The following SMARCB1 variants were observed in gnomAD, a reference collection of about 807,000 sequenced individuals.
SMARCB1 encodes SWI/SNF related BAF chromatin remodeling complex subunit B1.
A neutral mutation model predicts 49.0 loss-of-function variants in SMARCB1; 5 were observed. The observed-to-expected ratio is 0.10, with a 90% confidence interval of 0.05 to 0.21. SMARCB1 has a LOEUF of 0.21. SMARCB1 is among the 10% of genes least tolerant of loss of function. The probability of loss-of-function intolerance (pLI) is 1.00; values close to 1 mark genes in which losing one functional copy is unlikely to be tolerated. For missense variants in SMARCB1, 226 were observed against 509.2 expected (o/e 0.44, Z 5.35); for synonymous variants, 201 against 200.1 (o/e 1.00, Z -0.04).
chr22:23,795,161 G>A (rs531225258), intron 3 of SMARCB1, among the ~76,000 whole-genome samples: 19 of 152,118 alleles, frequency 1.2e-4, no homozygotes, highest in Admixed American at 1.2e-3. Flanking sequence ...GGTAGCTTAT[G>A]CCTGTAATCT....
In SMARCB1 at chr22:23,787,306, G is replaced by C. The variant is rs35243495; in HGVS notation, c.93+44G>C. The C allele has an allele frequency of 5.9e-3, 7,445 of 1,256,854 alleles. 519 individuals carry two copies. In the Admixed American group the frequency reaches 0.12, roughly 21 times the overall value. The allele number at this position is 1,256,854 out of a possible 1,614,324, so 77.9% of individuals were successfully genotyped here. ...TCGCCCTCCCCGGGCTCGGCCCCGCGGGAGCCCCGGGGCGGGCCCATGCGC... is the reference window on the plus strand; with the variant it reads ...TCGCCCTCCCCGGGCTCGGCCCCGCCGGAGCCCCGGGGCGGGCCCATGCGC... On this transcript the variant is annotated intron_variant, in intron 1 of 8. Transcript: ENST00000644036.
In SMARCB1 at chr22:23,837,005, C is replaced by G. The variant is rs1419353170; in HGVS notation, c.*2825C>G. On this transcript the variant is annotated 3_prime_UTR_variant, in exon 9 of 9. Coordinates refer to ENST00000644036, the MANE Select transcript of SMARCB1 (RefSeq NM_003073.5). ...TGTTGAGCACAGGCCAGCACAGGTC[C>G]CCATCGGTGGGGATCCTTCTGAGGG... 6.2e-7 allele frequency: 1 copy of G among 1,611,838 alleles called. No homozygotes were observed. The highest frequency in any genetic ancestry group is 8.5e-7 in the Non-Finnish European group (1 of 1,178,902).
At chr22:23,811,726 G>A (rs757256447) in intron 5 of SMARCB1, among the ~76,000 whole-genome samples, 9 of 152,190 alleles carry the variant, frequency 5.9e-5, no homozygotes, top group African/African-American at 2.2e-4. Context: ...GCACCAGTGC[G>A]TACATTGGAA....
intron 2 of SMARCB1, 76 bp downstream of exon 2, chr22:23,791,970 C>T (rs1225068619): frequency 6.6e-7 from 1 of 1,505,550 alleles, no homozygotes; most frequent in East Asian, 2.3e-5. Context: ...GTTTTCACTC[C>T]AGAGTGTCTT....
chr22:23,804,733 A>T (rs1601406706), intron 5 of SMARCB1, among the ~76,000 whole-genome samples: 2 of 152,216 alleles, frequency 1.3e-5, no homozygotes, highest in South Asian at 2.1e-4. Flanking sequence ...TAGTAGAGAT[A>T]GGGTTTCACC....
At chr22:23,807,188 G>C (rs2057189251) in intron 5 of SMARCB1, among the ~76,000 whole-genome samples, 1 of 152,198 alleles carries the variant, frequency 6.6e-6, no homozygotes, top group Admixed American at 6.5e-5. Context: ...CTCAGGAAGA[G>C]TTTTGGAATC....
chr22:23,807,907 G>A (rs1012207186), intron 5 of SMARCB1, among the ~76,000 whole-genome samples: 29 of 146,596 alleles, frequency 2.0e-4, no homozygotes, highest in African/African-American at 7.3e-4. Flanking sequence ...CCATTCTCCT[G>A]CCTCAGTCTC....
chr22:23,808,356 C>T (rs1929646610), intron 5 of SMARCB1, among the ~76,000 whole-genome samples: 2 of 152,180 alleles, frequency 1.3e-5, no homozygotes, highest in Non-Finnish European at 2.9e-5. Flanking sequence ...CTCCCGACCT[C>T]GTGATCCGCC....
At chr22:23,806,062 G>A (rs879416328) in intron 5 of SMARCB1, among the ~76,000 whole-genome samples, 14 of 152,324 alleles carry the variant, frequency 9.2e-5, no homozygotes, top group Admixed American at 3.3e-4. Flanking sequence ...GAGGGAGCTC[G>A]TACTCAGCTT....
intron 7 of SMARCB1, among the ~76,000 whole-genome samples, chr22:23,829,226 G>A (rs985343706): frequency 1.6e-4 from 25 of 152,212 alleles, no homozygotes; most frequent in African/African-American, 5.5e-4. Context: ...GACTATCAGT[G>A]TGCCATGGCC....
At chr22:23,819,597 C>T (rs1219069761) in intron 6 of SMARCB1, among the ~76,000 whole-genome samples, 1 of 152,142 alleles carries the variant, frequency 6.6e-6, no homozygotes, top group East Asian at 1.9e-4. Context: ...CCCACCTCGG[C>T]CTCCTAAAGT....
chr22:23,787,365 G>GC (rs1491202731), intron 1 of SMARCB1, 103 bp downstream of exon 1: 37 of 490,748 alleles, frequency 7.5e-5, no homozygotes, highest in African/African-American at 2.1e-4. Flanking sequence ...CGGGGCGGGC[G>GC]GGCGCGCGCG....
chr22:23,793,499 G>T (rs1928534164), intron 2 of SMARCB1, 60 bp from the exon 3 acceptor site: 1 of 1,598,836 alleles, frequency 6.3e-7, no homozygotes, highest in African/African-American at 1.3e-5. Flanking sequence ...CATCCACTTG[G>T]CTGGCTGCTG....
intron 4 of SMARCB1, chr22:23,801,737 G>GTTAATCTCTCAGGATCTTTCAC (rs1239721777): frequency 1.6e-5 from 4 of 244,104 alleles, no homozygotes; most frequent in Non-Finnish European, 3.3e-5. Flanking sequence ...GGCCCTTCTG[G>GTTAATCTCTCAGGATCTTTCAC]TTAATCTCTC....
At chr22:23,833,730 T>C (rs1436660569) in intron 8 of SMARCB1, 27 bp downstream of exon 8, 4 of 1,613,266 alleles carry the variant, frequency 2.5e-6, no homozygotes, top group Middle Eastern at 3.3e-4. Flanking sequence ...GGTCCTGGGC[T>C]CTGCCCACAG....
intron 5 of SMARCB1, chr22:23,815,368 T>C (rs1346859828): frequency 6.6e-6 from 1 of 151,966 alleles, no homozygotes; most frequent in African/African-American, 2.4e-5. Context: ...CCCTGTCTCT[T>C]CTAAAAATAC....
At chr22:23,829,167 C>T (rs2030532461) in intron 7 of SMARCB1, among the ~76,000 whole-genome samples, 1 of 152,084 alleles carries the variant, frequency 6.6e-6, no homozygotes, top group African/African-American at 2.4e-5. Context: ...TGGCCAGGGA[C>T]GGGAGGAGAC....
intron 6 of SMARCB1, 66 bp from the exon 7 acceptor site, chr22:23,825,158 GC>G: frequency 1.4e-6 from 2 of 1,408,352 alleles, no homozygotes; most frequent in South Asian, 2.3e-5. Flanking sequence ...GCCTGGCAGG[GC>G]CCCGCTCCTC....
intron 3 of SMARCB1, among the ~76,000 whole-genome samples, chr22:23,798,690 C>T (rs1928926098): frequency 6.6e-6 from 1 of 152,092 alleles, no homozygotes; most frequent in Non-Finnish European, 1.5e-5. Flanking sequence ...TTCTGCCCTC[C>T]CCCACCCTCT....
Sources: allele counts gnomAD v4.1 joint callset (sites outside exome capture counted in the v4.1 genomes callset), GRCh38; gene constraint gnomAD v4.1.1; transcripts MANE v1.5; gene names NCBI Gene and HGNC (gene_info 2026-07-23, HGNC 2026-07-21).